FGD3: variants seen among roughly 807,000 people sequenced by gnomAD.
FGD3 encodes the protein FYVE, RhoGEF and PH domain-containing protein 3.
Under a neutral mutation model 71.8 loss-of-function variants are expected in FGD3, and 45 were observed. That is an observed-to-expected ratio of 0.63 (90% CI 0.49 to 0.80). FGD3 has a LOEUF of 0.80. FGD3 is among the 30% of genes least tolerant of loss of function. The probability of loss-of-function intolerance (pLI) is 0.00; values close to 1 mark genes in which losing one functional copy is unlikely to be tolerated. For missense variants in FGD3, 844 were observed against 951.5 expected, an observed-to-expected ratio of 0.89 and a Z score of 1.49; for synonymous variants, 378 against 392.8, an observed-to-expected ratio of 0.96 and a Z score of 0.44.
In FGD3 at chr9:93,029,954, C is replaced by G; in HGVS notation, c.1638C>G (p.Asn546Lys). The G allele has an allele frequency of 6.2e-7, 1 of 1,613,498 alleles. No individual in the cohort carries two copies. Among genetic ancestry groups the G allele is most frequent in the Non-Finnish European group, 8.5e-7 (1 of 1,179,678 alleles). The change falls in exon 15 of 18, where the codon AAC becomes AAG. Residue 546 changes from asparagine (N) to lysine (K), a missense_variant. Transcript: ENST00000375482. ...GTAAGAGCTGTGGTGAGACCTTCAACTCCATCACCAAGAGGAGGCATCACT... is the reference window on the plus strand; with the variant it reads ...GTAAGAGCTGTGGTGAGACCTTCAAGTCCATCACCAAGAGGAGGCATCACT... ...QSCKSCGETF[N>K]SITKRRHHCK... is the part of the protein sequence containing the mutation.
chr9:93,031,113 T>G (rs1862342020), intron 15 of FGD3, among the ~76,000 whole-genome samples: 1 of 151,650 alleles, frequency 6.6e-6, no homozygotes, highest in Non-Finnish European at 1.5e-5. Flanking sequence ...GATGGATGGA[T>G]GATGGATGGA....
chr9:92,959,408 A>C (rs1211700483), intron 1 of FGD3, among the ~76,000 whole-genome samples: 1 of 152,070 alleles, frequency 6.6e-6, no homozygotes, highest in Non-Finnish European at 1.5e-5. Context: ...CCTTCAGCAC[A>C]TCTCTGACAT....
intron 15 of FGD3, among the ~76,000 whole-genome samples, chr9:93,031,971 T>C (rs1862373053): frequency 6.6e-6 from 1 of 151,864 alleles, no homozygotes; most frequent in Non-Finnish European, 1.5e-5. Context: ...CTGCTGGGAG[T>C]GTCCAGGGTA....
intron 3 of FGD3, among the ~76,000 whole-genome samples, chr9:92,989,803 T>C (rs2118641085): frequency 6.6e-6 from 1 of 152,328 alleles, no homozygotes; most frequent in East Asian, 1.9e-4. Flanking sequence ...AGCTGTCTGC[T>C]TAGGAACAAA....
In FGD3 at chr9:92,976,600, G is replaced by A. The variant is rs1415296264; in HGVS notation, c.344G>A (p.Ser115Asn). Reference protein sequence around the residue: ...LGAHAEMALDSQVPKVTPQEE... With the variant: ...LGAHAEMALDNQVPKVTPQEE... ...GCGCACGCAGAGATGGCCCTGGACA[G>A]CCAGGTCCCGAAGGTCACCCCCCAG... Residue 115 changes from serine (S) to asparagine (N), a missense_variant, in exon 3 of 18, where the codon AGC becomes AAC. Transcript: ENST00000375482. The A allele has an allele frequency of 1.2e-6, 2 of 1,612,672 alleles. No individual in the cohort carries two copies. Among genetic ancestry groups the A allele is most frequent in the African/African-American group, 2.7e-5 (2 of 74,924 alleles).
chr9:92,970,768 CAT>C (rs1034984196), intron 1 of FGD3, among the ~76,000 whole-genome samples: 4 of 152,278 alleles, frequency 2.6e-5, no homozygotes, highest in African/African-American at 4.8e-5. Context: ...CGTGTGCACA[CAT>C]GTGTATGTAT....
intron 1 of FGD3, among the ~76,000 whole-genome samples, chr9:92,950,150 G>A (rs1858927836): frequency 6.6e-6 from 1 of 151,996 alleles, no homozygotes; most frequent in Non-Finnish European, 1.5e-5. Context: ...AGGCACAGTG[G>A]CTTACGCCTG....
intron 1 of FGD3, among the ~76,000 whole-genome samples, chr9:92,951,981 GTT>G (rs1386732838): frequency 6.6e-6 from 1 of 152,096 alleles, no homozygotes; most frequent in Non-Finnish European, 1.5e-5. Context: ...GGGGCATCTG[GTT>G]TTTTGACCCT....
chr9:92,993,057 A>C (rs1860481659), intron 3 of FGD3, among the ~76,000 whole-genome samples: 1 of 152,066 alleles, frequency 6.6e-6, no homozygotes, highest in Non-Finnish European at 1.5e-5. Context: ...GCCAAATCTT[A>C]GTTGTTTGTG....
chr9:93,032,641 C>T, intron 15 of FGD3, 128 bp from the exon 16 acceptor site: 1 of 876,124 alleles, frequency 1.1e-6, no homozygotes, highest in Non-Finnish European at 1.9e-6. Flanking sequence ...TATCCCTCGC[C>T]ACACGCCACA....
intron 12 of FGD3, 29 bp downstream of exon 12, chr9:93,019,890 A>T (rs764042822): frequency 6.2e-7 from 1 of 1,611,240 alleles, no homozygotes; most frequent in Non-Finnish European, 8.5e-7. Context: ...TAAAGTAACC[A>T]AATGACCAAG....
chr9:92,991,533 G>T (rs988266766), intron 3 of FGD3, among the ~76,000 whole-genome samples: 7 of 152,020 alleles, frequency 4.6e-5, no homozygotes, highest in Non-Finnish European at 8.8e-5. Context: ...ATATAATTTT[G>T]ATTTAAAAAA....
At chr9:92,976,830 C>A in intron 3 of FGD3, 121 bp downstream of exon 3, 1 of 1,162,832 alleles carries the variant, frequency 8.6e-7, no homozygotes, top group Non-Finnish European at 1.2e-6. Context: ...CAGGCTCGTG[C>A]TGTGTGCAAG....
chr9:92,984,680 A>G (rs1351155424), intron 3 of FGD3, among the ~76,000 whole-genome samples: 1 of 152,236 alleles, frequency 6.6e-6, no homozygotes, highest in African/African-American at 2.4e-5. Flanking sequence ...GGTAAATATT[A>G]AGCAAACACC....
intron 13 of FGD3, 139 bp downstream of exon 13, chr9:93,020,563 T>C (rs1476254843): frequency 1.5e-6 from 1 of 657,506 alleles, no homozygotes; most frequent in South Asian, 1.7e-5. Context: ...CAGCGGGCAC[T>C]CCCTTGTGTT....
intron 8 of FGD3, among the ~76,000 whole-genome samples, chr9:93,013,249 G>C (rs749065958): frequency 6.6e-6 from 1 of 152,376 alleles, no homozygotes; most frequent in East Asian, 1.9e-4. Flanking sequence ...AGGATGTACA[G>C]GCTGAGATCA....
chr9:92,976,263 T>A lies in FGD3; in HGVS notation c.7T>A (p.Ser3Thr), dbSNP rs766092617. 17 of 1,578,032 alleles carry A rather than the reference T, an allele frequency of 1.1e-5. No individual in the cohort carries two copies. The Admixed American group carries it at 2.6e-4, about 24-fold the overall frequency. The change falls in exon 3 of 18, where the codon TCA (serine) becomes ACA (threonine). Residue 3 changes from serine to threonine, a missense_variant. Transcript: ENST00000375482. The stretch of plus-strand genomic sequence containing the variant: ...AGTGAGCTCAGCTTTAAGGATGGAG[T>A]CAGGCAGGGGGTCCTCAACCCCTCC... Reference protein sequence around the residue: MESGRGSSTPPGP... With the variant: METGRGSSTPPGP...
chr9:93,010,867 C>T (rs1861317037), intron 7 of FGD3, among the ~76,000 whole-genome samples: 1 of 152,076 alleles, frequency 6.6e-6, no homozygotes, highest in Non-Finnish European at 1.5e-5. Context: ...TAAATGCTGG[C>T]CCTGTTCAGA....
At chr9:93,011,332 GC>G (rs34314739) in intron 8 of FGD3, 60 bp downstream of exon 8, 3 of 1,594,526 alleles carry the variant, frequency 1.9e-6, no homozygotes, top group Non-Finnish European at 2.6e-6. Context: ...AGGGCCAGGG[GC>G]CCTTGTGGGC....
Sources: gnomAD v4.1 joint callset for allele counts (sites outside exome capture counted in the v4.1 genomes callset) on GRCh38, gnomAD v4.1.1 for gene constraint, MANE v1.5 for transcripts, NCBI Gene and HGNC (gene_info 2026-07-23, HGNC 2026-07-21) for gene names.